TRIP12: variants seen among roughly 807,000 people sequenced by gnomAD.
TRIP12 encodes the protein thyroid hormone receptor interactor 12, also known as E3 ubiquitin-protein ligase TRIP12.
Under a neutral mutation model 244.2 loss-of-function variants are expected in TRIP12, and 25 were observed. The observed-to-expected ratio is 0.10, with a 90% CI of 0.07 to 0.14. The LOEUF (loss-of-function observed/expected upper bound fraction) is 0.14. Among genes scored for constraint, TRIP12 ranks in the 10% least tolerant of loss-of-function variants. TRIP12 has a pLI of 1.00. For missense variants in TRIP12, 1,677 were observed against 2,486.4 expected (o/e 0.67, Z 6.92); for synonymous variants, 905 against 873.1 (o/e 1.04, Z -0.64).
chr2:229,865,423 T>C (rs762940786), intron 2 of TRIP12, among the ~76,000 whole-genome samples: 5 of 151,660 alleles, frequency 3.3e-5, no homozygotes, highest in Non-Finnish European at 7.4e-5. Flanking sequence ...AGTTAATTCC[T>C]ATTATAGGTA....
At chr2:229,790,340 T>TA (rs1329342544) in intron 30 of TRIP12, among the ~76,000 whole-genome samples, 2 of 152,046 alleles carry the variant, frequency 1.3e-5, no homozygotes, top group Admixed American at 6.5e-5. Context: ...AGCAAAATAA[T>TA]AAAAAATCAT....
chr2:229,814,766 C>G (rs1013087320), intron 11 of TRIP12, among the ~76,000 whole-genome samples: 9 of 152,210 alleles, frequency 5.9e-5, no homozygotes, highest in Non-Finnish European at 1.0e-4. Flanking sequence ...CTATTCCCCA[C>G]TGATTCAACT....
At chr2:229,800,242 GTTTT>G (rs1042495169) in intron 21 of TRIP12, among the ~76,000 whole-genome samples, 1 of 151,988 alleles carries the variant, frequency 6.6e-6, no homozygotes, top group African/African-American at 2.4e-5. Flanking sequence ...ATTTTAGTTG[GTTTT>G]TTTAAACCTA....
In TRIP12 at chr2:229,793,101, G is replaced by T; in HGVS notation, c.4013C>A (p.Thr1338Lys). ...TTGTAACTGGCATTTTAATTGATGT[G>T]TGTTGAAAAATTTTAAAGCCTGTGA... Reference protein sequence around the residue: ...RGSQALKFFNTHQLKCQLQRH... With the variant: ...RGSQALKFFNKHQLKCQLQRH... Residue 1338 changes from threonine to lysine, a missense_variant, in exon 27 of 42, where the codon ACA becomes AAA. This residue lies in a region of TRIP12 where 265 missense variants were observed against 370.8 expected (regional missense o/e 0.71). Coordinates refer to ENST00000675903, the MANE Select transcript of TRIP12 (RefSeq NM_001348323.3). 6.2e-7 allele frequency: 1 copy of T among 1,613,534 alleles called. No homozygotes were observed. The highest frequency in any genetic ancestry group is 8.5e-7 in the Non-Finnish European group (1 of 1,179,698).
chr2:229,867,844 CA>C (rs1222626878), intron 2 of TRIP12, among the ~76,000 whole-genome samples: 2 of 152,164 alleles, frequency 1.3e-5, no homozygotes, highest in African/African-American at 4.8e-5. Context: ...TAAAATAAAG[CA>C]TAGTGCAAAG....
intron 39 of TRIP12, 88 bp from the exon 40 acceptor site, chr2:229,769,413 A>G: frequency 8.5e-7 from 1 of 1,170,252 alleles, no homozygotes; most frequent in Non-Finnish European, 1.2e-6. Context: ...ACCATAAAAG[A>G]GTATCAGTCT....
At chr2:229,895,601 A>G (rs1449371841) in intron 1 of TRIP12, among the ~76,000 whole-genome samples, 4 of 152,072 alleles carry the variant, frequency 2.6e-5, no homozygotes, top group African/African-American at 4.8e-5. Context: ...GACAGAAGGA[A>G]TTATATAAAA....
At chr2:229,814,517 G>A (rs958595115) in intron 11 of TRIP12, 192 bp from the exon 12 acceptor site, 6 of 452,532 alleles carry the variant, frequency 1.3e-5, no homozygotes, top group African/African-American at 1.2e-4. Context: ...CCAGTTTGCA[G>A]TTCTAAGATA....
At position 229,859,202 on chromosome 2, in the gene TRIP12, T is replaced by C. The variant is rs1047646896; in HGVS notation, c.597A>G (p.Val199=). The change falls in exon 4 of 42, where the codon GTA becomes GTG. Residue 199 remains valine (V), a synonymous_variant. Coordinates refer to ENST00000675903, the MANE Select transcript of TRIP12 (RefSeq NM_001348323.3). ...TTGATTCAGACCCGGAGCCACTCTTTACACAAGAACTCTCTGTCCTTTTTC... is the reference window on the plus strand; with the variant it reads ...TTGATTCAGACCCGGAGCCACTCTTCACACAAGAACTCTCTGTCCTTTTTC... The part of the protein sequence containing the change: ...QKRKRTESSC[V]KSGSGSESTG... The C allele has an allele frequency of 4.3e-6, 7 of 1,614,056 alleles. No homozygotes were observed. Among genetic ancestry groups the C allele is most frequent in the East Asian group, 2.2e-5 (1 of 44,898 alleles).
intron 26 of TRIP12, chr2:229,794,728 T>C (rs1190927550): frequency 6.6e-6 from 1 of 152,086 alleles, no homozygotes; most frequent in Non-Finnish European, 1.5e-5. Context: ...AAAATATATA[T>C]ATTTATTAAA....
At chr2:229,774,734 T>C (rs569305763) in intron 37 of TRIP12, among the ~76,000 whole-genome samples, 1 of 151,922 alleles carries the variant, frequency 6.6e-6, no homozygotes, top group African/African-American at 2.4e-5. Flanking sequence ...CCTGCAAAGC[T>C]CAAGTCTACA....
At chr2:229,840,625 C>T (rs544007739) in intron 5 of TRIP12, among the ~76,000 whole-genome samples, 197 bp downstream of exon 5, 1 of 152,038 alleles carries the variant, frequency 6.6e-6, no homozygotes, top group South Asian at 2.1e-4. Flanking sequence ...CCACCTGAAC[C>T]CGGGAGGCGC....
chr2:229,793,931 C>T (rs2042170475), intron 26 of TRIP12, among the ~76,000 whole-genome samples: 2 of 151,810 alleles, frequency 1.3e-5, no homozygotes, highest in Admixed American at 6.6e-5. Context: ...TCCAATATAG[C>T]CCAGGGAAGC....
intron 2 of TRIP12, among the ~76,000 whole-genome samples, chr2:229,877,968 T>C (rs1330802759): frequency 6.6e-6 from 1 of 152,198 alleles, no homozygotes; most frequent in African/African-American, 2.4e-5. Flanking sequence ...ATAACCTGAA[T>C]GTAAAAGAGC....
rs900167581 is a variant in TRIP12 at position 229,766,837 on chromosome 2, A to T, written c.*717T>A. ...GTGTGTCACCTGGGAAAAAGCCAGT[A>T]ATACCCTAAACTATATTAAAACTAA... On this transcript the variant is annotated 3_prime_UTR_variant, in exon 42 of 42. Transcript: ENST00000675903. The T allele has an allele frequency of 6.6e-6, 1 of 152,218 alleles. No homozygotes were observed. The highest frequency in any genetic ancestry group is 1.5e-5 in the Non-Finnish European group (1 of 68,030). 9.4% of individuals were successfully genotyped at this position (152,218 alleles called of 1,614,324 possible).
chr2:229,858,170 C>G (rs998131977), intron 4 of TRIP12, among the ~76,000 whole-genome samples: 1 of 152,122 alleles, frequency 6.6e-6, no homozygotes, highest in African/African-American at 2.4e-5. Context: ...TTGAGACCAA[C>G]GTGGCCAACA....
At chr2:229,805,985 TC>T in intron 17 of TRIP12, 102 bp from the exon 18 acceptor site, 1 of 976,580 alleles carries the variant, frequency 1.0e-6, no homozygotes, top group Non-Finnish European at 1.4e-6. Context: ...CATATTTATT[TC>T]AACAGGTTTT....
chr2:229,887,573 G>A (rs746466566), intron 1 of TRIP12, among the ~76,000 whole-genome samples: 4 of 127,992 alleles, frequency 3.1e-5, no homozygotes, highest in Middle Eastern at 4.6e-3. Context: ...AAATGAAGAC[G>A]GGGTCAAGAA....
chr2:229,860,143 T>C (rs540491345), intron 3 of TRIP12, among the ~76,000 whole-genome samples: 188 of 151,996 alleles, frequency 1.2e-3, no homozygotes, highest in African/African-American at 4.4e-3. Flanking sequence ...AAATAAAAAA[T>C]GGCCATAATG....
Sources: gnomAD v4.1 joint callset for allele counts (sites outside exome capture counted in the v4.1 genomes callset) on GRCh38, gnomAD v4.1.1 for gene constraint, gnomAD v4.1.1 regional missense constraint, MANE v1.5 for transcripts, NCBI Gene and HGNC (gene_info 2026-07-23, HGNC 2026-07-21) for gene names.